The following SNX9 variants were observed in gnomAD, a reference collection of about 807,000 sequenced individuals.
The protein encoded by SNX9 is sorting nexin 9, also known as sorting nexin-9.
Under a neutral mutation model 89.4 loss-of-function variants are expected in SNX9, and 44 were observed. That is an observed-to-expected ratio of 0.49 (90% CI 0.39 to 0.63). The LOEUF is 0.63. Among genes scored for constraint, SNX9 ranks in the 30% least tolerant of loss-of-function variants. SNX9 has a pLI of 0.00. For synonymous variants in SNX9, 236 were observed against 247.8 expected (o/e 0.95, Z 0.45); for missense variants, 578 against 736.1 (o/e 0.79, Z 2.49).
At chr6:157,913,189 T>C (rs1291367449) in intron 9 of SNX9, among the ~76,000 whole-genome samples, 4 of 152,360 alleles carry the variant, frequency 2.6e-5, no homozygotes, top group Middle Eastern at 6.8e-3. Context: ...AAATGCAAAG[T>C]TTGCAATGCT....
intron 4 of SNX9, among the ~76,000 whole-genome samples, chr6:157,886,582 G>A (rs1782741911): frequency 6.6e-6 from 1 of 152,192 alleles, no homozygotes; most frequent in African/African-American, 2.4e-5. Context: ...CCACCAGTTG[G>A]TAATCCTTGC....
Position 157,937,472 on chromosome 6 carries a change from C to T in SNX9, c.1482C>T (p.His494=), listed in dbSNP as rs751498457. The stretch of plus-strand genomic sequence containing the variant: ...TCCATTTCCTGATGGAATGTAATCA[C>T]GAGTATAAAGGTTTTCTTGGCTGCT... ...KDLHFLMECN[H]EYKGFLGCFP... The change falls in exon 15 of 18, where the codon CAC becomes CAT. Residue 494 remains histidine (H), a synonymous_variant. Transcript: ENST00000392185. 2.0e-5 allele frequency: 32 copies of T among 1,613,772 alleles called. No individual in the cohort carries two copies. The highest frequency in any genetic ancestry group is 3.3e-5 in the Admixed American group (2 of 59,994).
intron 1 of SNX9, among the ~76,000 whole-genome samples, chr6:157,837,808 A>T (rs1781615023): frequency 6.6e-6 from 1 of 152,224 alleles, no homozygotes; most frequent in Admixed American, 6.5e-5. Context: ...AGGGCAGCAG[A>T]TCGTGAAGCC....
rs183485568 is a variant in SNX9, at chr6:157,930,791, T to A, written c.1289-1404T>A. ...TGGTGCCAGAAAGGTTGGGGACCGT[T>A]GCTCTAAAGTATAAATGAAAGAATT... On this transcript the variant is annotated intron_variant, in intron 12 of 17. Coordinates refer to ENST00000392185, the MANE Select transcript of SNX9 (RefSeq NM_016224.5). Among the ~76,000 whole-genome samples, 3 of 152,340 alleles carry A rather than the reference T, an allele frequency of 2.0e-5. No individual in the cohort carries two copies. In the East Asian group the frequency reaches 5.8e-4, roughly 29 times the overall value.
In SNX9 at chr6:157,938,674, A is replaced by G. The variant is rs771405834; in HGVS notation, c.1575A>G (p.Ala525=). Residue 525 remains alanine, a synonymous_variant, in exon 16 of 18, where the codon GCA becomes GCG. Coordinates refer to ENST00000392185, the MANE Select transcript of SNX9 (RefSeq NM_016224.5). ...EKVKESDKLV[A]TSKITLQDKQ... is the part of the protein sequence containing the mutation. ...TGAAAGAAAGTGACAAACTAGTTGCAACAAGTAAAATCACCCTACAAGACA... is the reference window on the plus strand; with the variant it reads ...TGAAAGAAAGTGACAAACTAGTTGCGACAAGTAAAATCACCCTACAAGACA... 2 of 1,614,162 alleles carry G rather than the reference A, an allele frequency of 1.2e-6. No individual in the cohort carries two copies. Among genetic ancestry groups the G allele is most frequent in the Non-Finnish European group, 1.7e-6 (2 of 1,180,002 alleles).
chr6:157,849,475 A>C (rs1781866404), intron 1 of SNX9, among the ~76,000 whole-genome samples: 1 of 152,242 alleles, frequency 6.6e-6, no homozygotes, highest in South Asian at 2.1e-4. Flanking sequence ...GGCAATGCTT[A>C]GTGTGCATGT....
chr6:157,942,876 T>G lies in SNX9; in HGVS notation c.*38T>G, dbSNP rs768570091. The stretch of plus-strand genomic sequence containing the variant: ...CTTGAAGAGAATGCCGCGTGCTTTC[T>G]CCTGACTTGGGGCAATGCAATTCAA... On this transcript the variant is annotated 3_prime_UTR_variant, in exon 18 of 18. Coordinates refer to ENST00000392185, the MANE Select transcript of SNX9 (RefSeq NM_016224.5). 1.3e-6 allele frequency: 2 copies of G among 1,595,678 alleles called. No homozygotes were observed. The highest frequency in any genetic ancestry group is 1.7e-6 in the Non-Finnish European group (2 of 1,167,868).
At chr6:157,908,091 T>TA (rs548072128) in intron 7 of SNX9, among the ~76,000 whole-genome samples, 406 of 148,686 alleles carry the variant, frequency 2.7e-3, no homozygotes, top group South Asian at 7.0e-3. Context: ...ATCTTCCTCT[T>TA]AAAAAAAAAA....
At chr6:157,835,868 G>C (rs556445845) in intron 1 of SNX9, among the ~76,000 whole-genome samples, 2 of 152,208 alleles carry the variant, frequency 1.3e-5, no homozygotes, top group South Asian at 4.2e-4. Flanking sequence ...GTTCTTTATA[G>C]CCGTGTGAAA....
In SNX9 at chr6:157,873,529, A is replaced by G. The variant is rs766919266; in HGVS notation, c.174+353A>G. On this transcript the variant is annotated intron_variant, in intron 3 of 17. Transcript: ENST00000392185. Reference sequence around the variant, plus strand: ...AATTCAATAAGATATATGAAATTATATCTCAATATATCTGTTAATATATAC... The same window carrying G: ...AATTCAATAAGATATATGAAATTATGTCTCAATATATCTGTTAATATATAC... Among the ~76,000 whole-genome samples the G allele has an allele frequency of 2.1e-5, 3 of 142,602 alleles. No homozygotes were observed. The East Asian group carries it at 6.0e-4, about 28-fold the overall frequency. The allele number at this position is 142,602 out of a possible 152,430, so 93.6% of individuals were successfully genotyped here. A position where few individuals can be genotyped will look rare whatever the true frequency, so the allele number is the denominator to read the frequency against.
intron 1 of SNX9, among the ~76,000 whole-genome samples, chr6:157,847,029 C>T (rs1781818725): frequency 6.6e-6 from 1 of 152,010 alleles, no homozygotes; most frequent in South Asian, 2.1e-4. Context: ...GGCAACAGAG[C>T]AAGGCTCCAT....
At chr6:157,930,332 A>G (rs1426419292) in intron 12 of SNX9, among the ~76,000 whole-genome samples, 1 of 152,258 alleles carries the variant, frequency 6.6e-6, no homozygotes, top group Non-Finnish European at 1.5e-5. Flanking sequence ...ATATAGAATT[A>G]GCCCTGAGAA....
chr6:157,866,944 GT>G (rs1782276014), intron 1 of SNX9, among the ~76,000 whole-genome samples: 1 of 150,578 alleles, frequency 6.6e-6, no homozygotes, highest in Admixed American at 6.6e-5. Flanking sequence ...TGAAATAGGT[GT>G]TTGTTTGTTT....
intron 1 of SNX9, among the ~76,000 whole-genome samples, chr6:157,844,173 G>A (rs1368357100): frequency 6.6e-6 from 1 of 152,028 alleles, no homozygotes; most frequent in Admixed American, 6.6e-5. Context: ...GGTTCACTTT[G>A]CCTGCCAATT....
chr6:157,866,466 G>A (rs1488501532), intron 1 of SNX9, among the ~76,000 whole-genome samples: 1 of 152,120 alleles, frequency 6.6e-6, no homozygotes, highest in African/African-American at 2.4e-5. Flanking sequence ...CCCAGCTACT[G>A]GGGAGGCTGA....
chr6:157,848,848 G>A (rs151299000), intron 1 of SNX9, among the ~76,000 whole-genome samples: 8 of 152,326 alleles, frequency 5.3e-5, no homozygotes, highest in African/African-American at 1.7e-4. Context: ...GATTTTGCAC[G>A]TCATAAAATG....
rs138455652 is a variant in SNX9, at chr6:157,944,397, A to G, written c.*1559A>G. The G allele has an allele frequency of 0.01, 1,531 of 152,776 alleles. 6 individuals carry two copies. The highest frequency in any genetic ancestry group is 0.011 in the Non-Finnish European group (776 of 68,028). The allele number at this position is 152,776 out of a possible 1,614,324, so 9.5% of individuals were successfully genotyped here. On this transcript the variant is annotated 3_prime_UTR_variant, in exon 18 of 18. Coordinates refer to ENST00000392185, the MANE Select transcript of SNX9 (RefSeq NM_016224.5). ...AATCCCATAGAACAATGTTTATGCT[A>G]TAGCCATTTAATATATGTACAAATT...
At chr6:157,836,875 G>C (rs1335280015) in intron 1 of SNX9, among the ~76,000 whole-genome samples, 4 of 152,188 alleles carry the variant, frequency 2.6e-5, no homozygotes, top group Non-Finnish European at 5.9e-5. Flanking sequence ...ACAGGCGTGA[G>C]CCACCGCGCC....
intron 5 of SNX9, among the ~76,000 whole-genome samples, chr6:157,897,943 G>C (rs1015961236): frequency 2.6e-5 from 4 of 152,118 alleles, no homozygotes; most frequent in African/African-American, 9.7e-5. Context: ...ATCCCACCAG[G>C]AGTCACCTCA....
Sources: allele counts gnomAD v4.1 joint callset (sites outside exome capture counted in the v4.1 genomes callset), GRCh38; gene constraint gnomAD v4.1.1; transcripts MANE v1.5; gene names NCBI Gene and HGNC (gene_info 2026-07-23, HGNC 2026-07-21).